ZNF875: variants seen among roughly 807,000 people sequenced by gnomAD.
The protein encoded by ZNF875 is zinc finger protein 875.
Under a neutral mutation model 11.2 loss-of-function variants are expected in ZNF875, and 14 were observed. That is an observed-to-expected ratio of 1.26 (90% confidence interval 0.83 to 1.96). The LOEUF (loss-of-function observed/expected upper bound fraction) is 1.96, where lower values mean the gene tolerates loss of function less well. Among genes scored for constraint, ZNF875 ranks in the 30% most tolerant of loss-of-function variants. The pLI is 0.00. For synonymous variants in ZNF875, 301 were observed against 281.1 expected, an observed-to-expected ratio of 1.07 and a Z score of -0.71; for missense variants, 752 against 760.4, an observed-to-expected ratio of 0.99 and a Z score of 0.13.
intron 2 of ZNF875, among the ~76,000 whole-genome samples, chr19:37,341,682 C>T (rs2035749644): frequency 6.6e-6 from 1 of 152,070 alleles, no homozygotes; most frequent in Admixed American, 6.5e-5. Context: ...TTACCATGTG[C>T]AAGATTAACT....
upstream of ZNF875, among the ~76,000 whole-genome samples, chr19:37,331,758 G>T (rs1395981987): frequency 2.0e-4 from 29 of 144,842 alleles, no homozygotes; most frequent in East Asian, 1.7e-3. Context: ...TAGTCTGAAA[G>T]ATGGCCTCGT....
intron 2 of ZNF875, among the ~76,000 whole-genome samples, chr19:37,339,120 A>G (rs1427519088): frequency 1.3e-5 from 2 of 151,988 alleles, no homozygotes; most frequent in Admixed American, 6.6e-5. Flanking sequence ...CAGTCTGCAC[A>G]CTCAGGAGTC....
intron 2 of ZNF875, among the ~76,000 whole-genome samples, chr19:37,336,839 C>T (rs189069607): frequency 1.3e-5 from 2 of 151,940 alleles, no homozygotes; most frequent in East Asian, 2.0e-4. Context: ...ACCTGGGAAG[C>T]GGGGGTTGCA....
At chr19:37,342,055 C>G (rs372660840) in intron 2 of ZNF875, among the ~76,000 whole-genome samples, 153 of 152,326 alleles carry the variant, frequency 1.0e-3, no homozygotes, top group African/African-American at 3.3e-3. Flanking sequence ...CACAGTCAGA[C>G]AGGCCTCACA....
chr19:37,324,263 C>CA (rs1370827410), exon 4 of ZNF875: 1 of 152,204 alleles, frequency 6.6e-6, no homozygotes, highest in Admixed American at 6.5e-5. Context: ...GGAAACACAG[C>CA]AAGTAGGCCC....
intron 1 of ZNF875, 133 bp from the exon 2 acceptor site, chr19:37,335,036 A>G (rs1318748103): frequency 7.0e-6 from 4 of 570,228 alleles, no homozygotes; most frequent in African/African-American, 5.6e-5. Context: ...CCCCCACTGG[A>G]TGGGAATTGG....
intron 1 of ZNF875, among the ~76,000 whole-genome samples, chr19:37,319,368 T>TAA (rs1555790778): frequency 8.3e-5 from 12 of 144,022 alleles, no homozygotes; most frequent in East Asian, 4.1e-4. Flanking sequence ...TATATATATA[T>TAA]AATAAAAATG....
chr19:37,312,953 G>A (rs1283381777), upstream of ZNF875: 3 of 152,164 alleles, frequency 2.0e-5, 1 homozygote, highest in Admixed American at 2.0e-4. Flanking sequence ...GAGCGCTCCT[G>A]TGTCTTTCTT....
upstream of ZNF875, among the ~76,000 whole-genome samples, chr19:37,332,729 T>A (rs562246740): frequency 1.3e-5 from 2 of 152,348 alleles, no homozygotes; most frequent in Non-Finnish European, 2.9e-5. Flanking sequence ...GCTTTTTTGT[T>A]TTTTGCTGAT....
intron 4 of ZNF875, among the ~76,000 whole-genome samples, chr19:37,352,750 G>A (rs2038140681): frequency 6.6e-6 from 1 of 151,920 alleles, no homozygotes; most frequent in Admixed American, 6.6e-5. Flanking sequence ...TTGTTGATAA[G>A]TAAGGTTATT....
At chr19:37,335,055 G>T in intron 1 of ZNF875, 114 bp from the exon 2 acceptor site, 1 of 588,032 alleles carries the variant, frequency 1.7e-6, no homozygotes, top group Non-Finnish European at 3.1e-6. Context: ...GGCTGCTCTG[G>T]TGATTTCTGT....
At position 37,328,298 on chromosome 19, in the gene ZNF875, G is replaced by A. The variant is rs192183804; in HGVS notation, c.-603+4033G>A. Among the ~76,000 whole-genome samples the A allele has an allele frequency of 1.8e-4, 27 of 152,274 alleles. No individual in the cohort carries two copies. The East Asian group carries it at 5.0e-3, about 28-fold the overall frequency. ...GGGATTCCAGAGTGCCAGGCACACA[G>A]ATTTTCTGGAAGGTTTACATGAGGA... On this transcript the variant is annotated intron_variant, in intron 4 of 5. Coordinates refer to the ZNF875 transcript ENST00000544914.
chr19:37,314,772 G>C (rs1333152132), upstream of ZNF875: 1 of 147,058 alleles, frequency 6.8e-6, no homozygotes, highest in Non-Finnish European at 1.5e-5. Flanking sequence ...AAAAAAAGAA[G>C]AAGAAGTAGA....
upstream of ZNF875, among the ~76,000 whole-genome samples, chr19:37,333,233 T>G (rs1458586517): frequency 6.6e-6 from 1 of 152,098 alleles, no homozygotes; most frequent in Non-Finnish European, 1.5e-5. Flanking sequence ...ACATCCTCAC[T>G]GTACCCCCAC....
chr19:37,349,964 C>CTTTT (rs34941573), intron 4 of ZNF875, among the ~76,000 whole-genome samples: 1 of 77,562 alleles, frequency 1.3e-5, no homozygotes, highest in Admixed American at 1.4e-4. Context: ...CCCCACTGGC[C>CTTTT]TTTTTTTTTT....
chr19:37,352,815 T>A (rs1338031755), intron 4 of ZNF875, among the ~76,000 whole-genome samples: 2 of 152,012 alleles, frequency 1.3e-5, no homozygotes, highest in Non-Finnish European at 2.9e-5. Context: ...ACTTGCTCTG[T>A]TTTCTTTAGC....
intron 2 of ZNF875, among the ~76,000 whole-genome samples, chr19:37,336,206 G>C (rs999512547): frequency 6.6e-6 from 1 of 152,084 alleles, no homozygotes; most frequent in Non-Finnish European, 1.5e-5. Flanking sequence ...AGGCATTCCA[G>C]TGGGAGGCGG....
At chr19:37,353,322 A>T (rs2038280158) in intron 4 of ZNF875, among the ~76,000 whole-genome samples, 1 of 152,262 alleles carries the variant, frequency 6.6e-6, no homozygotes, top group Non-Finnish European at 1.5e-5. Context: ...TAAGAATCTC[A>T]CAAGAGTATG....
At chr19:37,329,900 C>T (rs1426404029), upstream of ZNF875, among the ~76,000 whole-genome samples, 1 of 151,978 alleles carries the variant, frequency 6.6e-6, no homozygotes, top group Admixed American at 6.6e-5. Context: ...GGTGATAAAC[C>T]AGGTTGTGTT....
Sources: gnomAD v4.1 joint callset for allele counts (sites outside exome capture counted in the v4.1 genomes callset) on GRCh38, gnomAD v4.1.1 for gene constraint, MANE v1.5 for transcripts, NCBI Gene and HGNC (gene_info 2026-07-23, HGNC 2026-07-21) for gene names.